Variants in ENTPD1 observed in about 807,000 individuals in gnomAD.
ENTPD1 encodes ectonucleoside triphosphate diphosphohydrolase 1.
A neutral mutation model predicts 57.0 loss-of-function variants in ENTPD1; 33 were observed. That is an observed-to-expected ratio of 0.58 (90% CI 0.44 to 0.77). The LOEUF is 0.77. Ranked by LOEUF, ENTPD1 falls within the 30% of genes least tolerant of loss-of-function variation. The pLI is 0.00. For synonymous variants in ENTPD1, 202 were observed against 218.8 expected (o/e 0.92, Z 0.68); for missense variants, 501 against 603.4 (o/e 0.83, Z 1.78).
At chr10:95,740,756 C>T (rs527865614) in intron 1 of ENTPD1, among the ~76,000 whole-genome samples, 1 of 152,376 alleles carries the variant, frequency 6.6e-6, no homozygotes, top group East Asian at 1.9e-4. Context: ...TCCATCAGCA[C>T]TTGCTGCTTC....
At chr10:95,845,702 T>C in intron 6 of ENTPD1, 106 bp downstream of exon 6, 1 of 1,605,900 alleles carries the variant, frequency 6.2e-7, no homozygotes, top group East Asian at 2.2e-5. Flanking sequence ...AACTTGGTTA[T>C]TGTACTTTCC....
chr10:95,709,361 AT>A (rs112054798), upstream of ENTPD1, among the ~76,000 whole-genome samples: 40,685 of 148,904 alleles, frequency 0.27, 6,288 homozygotes, highest in Admixed American at 0.39. Context: ...TCTTTTCCTT[AT>A]TTTTTTTTTC....
intron 1 of ENTPD1, among the ~76,000 whole-genome samples, chr10:95,797,478 C>A (rs1044998951): frequency 2.0e-5 from 3 of 152,026 alleles, no homozygotes; most frequent in East Asian, 3.9e-4. Flanking sequence ...TAAAGGAATG[C>A]CTGAGACTGG....
At chr10:95,777,912 G>A (rs2098140594) in intron 1 of ENTPD1, among the ~76,000 whole-genome samples, 1 of 152,224 alleles carries the variant, frequency 6.6e-6, no homozygotes, top group Non-Finnish European at 1.5e-5. Flanking sequence ...TGCTGCACTA[G>A]AAGTGAGCAA....
At chr10:95,727,271 A>G (rs1229705093) in intron 1 of ENTPD1, among the ~76,000 whole-genome samples, 1 of 152,202 alleles carries the variant, frequency 6.6e-6, no homozygotes, top group Non-Finnish European at 1.5e-5. Flanking sequence ...TTGTATTATT[A>G]ACAAGACTAG....
chr10:95,716,097 C>T (rs1018592469), intron 1 of ENTPD1, among the ~76,000 whole-genome samples: 5 of 152,164 alleles, frequency 3.3e-5, no homozygotes, highest in Non-Finnish European at 4.4e-5. Context: ...AAGTCTTGGT[C>T]TCTAGCAATC....
intron 8 of ENTPD1, among the ~76,000 whole-genome samples, chr10:95,863,846 G>A (rs1342717892): frequency 1.3e-5 from 2 of 152,202 alleles, no homozygotes; most frequent in Non-Finnish European, 2.9e-5. Context: ...ATCCAGGAGG[G>A]AATGCCTATC....
chr10:95,804,860 C>T (rs1193358425), intron 1 of ENTPD1, among the ~76,000 whole-genome samples: 1 of 152,102 alleles, frequency 6.6e-6, no homozygotes, highest in Admixed American at 6.5e-5. Flanking sequence ...TCCATCAATA[C>T]CTAGTTTATT....
At chr10:95,751,796 C>T (rs1326748812), upstream of ENTPD1, among the ~76,000 whole-genome samples, 1 of 151,446 alleles carries the variant, frequency 6.6e-6, no homozygotes, top group Non-Finnish European at 1.5e-5. Flanking sequence ...AGTTTGGATG[C>T]TAAGTTTGAG....
the ENTPD1 span, among the ~76,000 whole-genome samples, chr10:95,703,409 G>A: frequency 6.6e-6 from 1 of 152,296 alleles, no homozygotes; most frequent in South Asian, 2.1e-4. Flanking sequence ...CCATAATAAA[G>A]TAAAACTTTT....
intron 1 of ENTPD1, among the ~76,000 whole-genome samples, chr10:95,799,107 AG>A (rs1297115214): frequency 6.6e-6 from 1 of 152,250 alleles, no homozygotes; most frequent in African/African-American, 2.4e-5. Context: ...TGGATGTGTA[AG>A]GCATAATACC....
chr10:95,876,300 CTT>C lies in ENTPD1; in HGVS notation c.*9920_*9921del, dbSNP rs1230575907. The C allele has an allele frequency of 1.0e-6, 1 of 983,414 alleles. No individual in the cohort carries two copies. The highest frequency in any genetic ancestry group is 1.2e-6 in the Non-Finnish European group (1 of 828,262). 60.9% of individuals were successfully genotyped at this position (983,414 alleles called of 1,614,324 possible). On this transcript the variant is annotated 3_prime_UTR_variant, in exon 10 of 10. Transcript: ENST00000371205. Reference sequence around the variant, plus strand: ...ATCCAACTTATTAATTATGAAATGACTTTTGGCCTAGTAACAATGAAAATGGG... The same window carrying C: ...ATCCAACTTATTAATTATGAAATGACTTGGCCTAGTAACAATGAAAATGGG...
At chr10:95,772,886 G>A (rs2098120173) in intron 1 of ENTPD1, among the ~76,000 whole-genome samples, 1 of 152,106 alleles carries the variant, frequency 6.6e-6, no homozygotes, top group South Asian at 2.1e-4. Flanking sequence ...ACTTTGTTTT[G>A]TGTTGCTATA....
chr10:95,707,171 TCGTGGGGGCTG>T (rs912386489), upstream of ENTPD1, among the ~76,000 whole-genome samples: 17 of 152,206 alleles, frequency 1.1e-4, no homozygotes, highest in African/African-American at 3.9e-4. Context: ...CAGCTGTTGG[TCGTGGGGGCTG>T]CAGCTGCACC....
chr10:95,709,932 C>T (rs190930068), upstream of ENTPD1, among the ~76,000 whole-genome samples: 17 of 151,968 alleles, frequency 1.1e-4, no homozygotes, highest in South Asian at 4.2e-4. Flanking sequence ...TGTGCCACCA[C>T]GCCCAGCTAG....
intron 1 of ENTPD1, among the ~76,000 whole-genome samples, chr10:95,712,966 G>A (rs1206487291): frequency 2.0e-5 from 3 of 151,738 alleles, no homozygotes; most frequent in South Asian, 4.2e-4. Context: ...CCCGGGAGGC[G>A]GAGCTTGCAG....
chr10:95,763,038 A>G (rs5014871), intron 1 of ENTPD1, among the ~76,000 whole-genome samples: 81,882 of 151,850 alleles, frequency 0.54, 22,499 homozygotes, highest in Admixed American at 0.63. Context: ...ATCATATAAA[A>G]GTATTCAAGT....
chr10:95,774,180 TG>T (rs2098125400), intron 1 of ENTPD1, among the ~76,000 whole-genome samples: 1 of 152,228 alleles, frequency 6.6e-6, no homozygotes, highest in Admixed American at 6.5e-5. Context: ...TCGATGGAGT[TG>T]TTTTTTTCTT....
intron 1 of ENTPD1, among the ~76,000 whole-genome samples, chr10:95,805,646 G>A (rs898049664): frequency 2.0e-5 from 3 of 152,148 alleles, no homozygotes; most frequent in African/African-American, 7.2e-5. Context: ...TCCTTTCCAT[G>A]TTTAGTGCTT....
Sources: gnomAD v4.1 joint callset for allele counts (sites outside exome capture counted in the v4.1 genomes callset) on GRCh38, gnomAD v4.1.1 for gene constraint, MANE v1.5 for transcripts, NCBI Gene and HGNC (gene_info 2026-07-23, HGNC 2026-07-21) for gene names.